Variants in PHLPP1 observed in about 807,000 individuals in gnomAD.
PHLPP1 encodes PH domain and leucine rich repeat protein phosphatase 1.
Under a neutral mutation model 117.2 loss-of-function variants are expected in PHLPP1, and 42 were observed. The ratio of observed to expected loss-of-function variants is 0.36; its 90% confidence interval spans 0.28 to 0.46. PHLPP1 has a LOEUF of 0.46. Among genes scored for constraint, PHLPP1 ranks in the 20% least tolerant of loss-of-function variants. The pLI, the probability that PHLPP1 is intolerant of heterozygous loss-of-function variation, is 1.00. For missense variants in PHLPP1, 2,084 were observed against 2,241.9 expected, an observed-to-expected ratio of 0.93 and a Z score of 1.42; for synonymous variants, 1,042 against 970.7, an observed-to-expected ratio of 1.07 and a Z score of -1.37.
chr18:62,800,146 C>A (rs1255943817), intron 1 of PHLPP1, among the ~76,000 whole-genome samples: 1 of 152,066 alleles, frequency 6.6e-6, no homozygotes, highest in East Asian at 1.9e-4. Flanking sequence ...GGGAGGGTGT[C>A]CGGAGAATAG....
chr18:62,877,519 C>T (rs1041805273), intron 4 of PHLPP1, among the ~76,000 whole-genome samples: 1 of 152,334 alleles, frequency 6.6e-6, no homozygotes, highest in African/African-American at 2.4e-5. Context: ...AAATGCTGCT[C>T]AGGGTTAGAG....
intron 15 of PHLPP1, among the ~76,000 whole-genome samples, chr18:62,973,802 A>G (rs1213641829): frequency 6.6e-6 from 1 of 152,166 alleles, no homozygotes; most frequent in Non-Finnish European, 1.5e-5. Context: ...AAATTACCTT[A>G]TGTGTCATAA....
rs768418881 is a variant in PHLPP1, at chr18:62,716,044, C to T, written c.361C>T (p.Leu121=). Residue 121 remains leucine (L), a synonymous_variant, in exon 1 of 17, where the codon CTG becomes TTG. Coordinates refer to ENST00000262719, the MANE Select transcript of PHLPP1 (RefSeq NM_194449.4). This position sits in a 1 kb window ranked among gnomAD's most constrained non-coding sequence, Gnocchi z 5.7. ...GAGGGANSLL[L]RRGRLKRNLS... ...CGGCGGCGGCGCCAACTCCCTCCTG[C>T]TGAGGAGAGGGCGGCTGAAGAGGAA... The T allele has an allele frequency of 3.6e-5, 52 of 1,462,748 alleles. No individual in the cohort carries two copies. The highest frequency in any genetic ancestry group is 4.0e-5 in the South Asian group (3 of 74,162). The allele number at this position is 1,462,748 out of a possible 1,614,324, so 90.6% of individuals were successfully genotyped here. A position where few individuals can be genotyped will look rare whatever the true frequency, so the allele number is the denominator to read the frequency against.
At chr18:62,744,233 C>G (rs927013557) in intron 1 of PHLPP1, among the ~76,000 whole-genome samples, 1 of 152,222 alleles carries the variant, frequency 6.6e-6, no homozygotes, top group African/African-American at 2.4e-5. Flanking sequence ...CTTCAGAGGG[C>G]GCATGCCCGC....
chr18:62,959,071 G>A (rs533644167), intron 13 of PHLPP1, among the ~76,000 whole-genome samples: 1 of 152,194 alleles, frequency 6.6e-6, no homozygotes, highest in East Asian at 1.9e-4. Context: ...CCAAGAATGC[G>A]GAGTAGTTAG....
chr18:62,791,143 G>A (rs966878301), intron 1 of PHLPP1, among the ~76,000 whole-genome samples: 1 of 152,134 alleles, frequency 6.6e-6, no homozygotes, highest in Non-Finnish European at 1.5e-5. Context: ...GTCCTAGCAA[G>A]CGCTTAATAA....
chr18:62,787,281 C>G (rs1599047216), intron 1 of PHLPP1, among the ~76,000 whole-genome samples: 1 of 152,174 alleles, frequency 6.6e-6, no homozygotes. Context: ...ATTCTCCTGC[C>G]TCAGCCTCAC....
chr18:62,779,652 A>G (rs977504298), intron 1 of PHLPP1: 1 of 152,084 alleles, frequency 6.6e-6, no homozygotes, highest in African/African-American at 2.4e-5. Flanking sequence ...TAATTATGGT[A>G]GAAACAGATA....
chr18:62,806,232 A>T (rs370243163), intron 1 of PHLPP1, among the ~76,000 whole-genome samples: 6 of 152,218 alleles, frequency 3.9e-5, no homozygotes. Context: ...ATAAGATTTA[A>T]GTAACTCTGT....
Position 62,973,726 on chromosome 18 carries a change from C to T in PHLPP1, c.3755+1018C>T, listed in dbSNP as rs1003554565. On this transcript the variant is annotated intron_variant, in intron 15 of 16. Transcript: ENST00000262719. ...CTTTCAGATTCTCAGTGAGCATATA[C>T]AATTAGCAACTGAACAATAATGGCT... Among the ~76,000 whole-genome samples, 5 of 152,178 alleles carry T rather than the reference C, an allele frequency of 3.3e-5. No homozygotes were observed. In the South Asian group the frequency reaches 1.0e-3, roughly 32 times the overall value.
In PHLPP1 at chr18:62,896,590, C is replaced by T. The variant is rs535743778; in HGVS notation, c.2444+579C>T. On this transcript the variant is annotated intron_variant, in intron 6 of 16. Transcript: ENST00000262719. Reference sequence around the variant, plus strand: ...GATTACAGGCATGAGCCACCATGCCCGTCCTGTTTTTTGTTGTTGTTTTTA... The same window carrying T: ...GATTACAGGCATGAGCCACCATGCCTGTCCTGTTTTTTGTTGTTGTTTTTA... 7.2e-5 allele frequency among the ~76,000 whole-genome samples: 11 copies of T among 152,080 alleles called. No homozygotes were observed. The South Asian group carries it at 1.5e-3, about 20-fold the overall frequency.
chr18:62,750,125 A>T (rs781196656), intron 1 of PHLPP1, among the ~76,000 whole-genome samples: 23 of 152,094 alleles, frequency 1.5e-4, no homozygotes, highest in Non-Finnish European at 2.9e-4. Context: ...CCCTCTAAAG[A>T]CCCTGTCTCC....
At chr18:62,736,907 T>C (rs906206884) in intron 1 of PHLPP1, among the ~76,000 whole-genome samples, 1 of 152,180 alleles carries the variant, frequency 6.6e-6, no homozygotes, top group Non-Finnish European at 1.5e-5. Flanking sequence ...GTATACAAAA[T>C]AAATGCTAGC....
rs571129557 is a variant in PHLPP1, at chr18:62,768,566, A to G, written c.1576+51307A>G. Among the ~76,000 whole-genome samples the G allele has an allele frequency of 3.3e-5, 5 of 152,382 alleles. No homozygotes were observed. The South Asian group carries it at 8.3e-4, about 25-fold the overall frequency. On this transcript the variant is annotated intron_variant, in intron 1 of 16. Transcript: ENST00000262719. ...TAATACAGGCAAAAATGAGAAAATA[A>G]GTTGGAAAATTCTCTGTCCTAAATT...
chr18:62,717,208 C>T lies in PHLPP1; in HGVS notation c.1525C>T (p.Gln509Ter). 1 of 1,610,114 alleles carries T rather than the reference C, an allele frequency of 6.2e-7. No individual in the cohort carries two copies. Among genetic ancestry groups the T allele is most frequent in the South Asian group, 1.1e-5 (1 of 90,608 alleles). ...GGGATTTGGGGAGCTGTGGAGGGTG[C>T]AGGAGGAAGGCATGGACTCGGAGAT... ...QLGFGELWRV[Q>*]EEGMDSEIGC... Residue 509 changes from glutamine to a stop codon, truncating the protein, a stop_gained, in exon 1 of 17, where the codon CAG becomes TAG. Coordinates refer to ENST00000262719, the MANE Select transcript of PHLPP1 (RefSeq NM_194449.4). LOFTEE classifies it high-confidence loss of function.
intron 12 of PHLPP1, among the ~76,000 whole-genome samples, chr18:62,946,604 A>G (rs1328638342): frequency 6.6e-6 from 1 of 151,972 alleles, no homozygotes; most frequent in Non-Finnish European, 1.5e-5. Flanking sequence ...GTTTTTACAC[A>G]TTTATATGGT....
intron 1 of PHLPP1, among the ~76,000 whole-genome samples, chr18:62,793,875 C>T (rs1302463503): frequency 1.3e-5 from 2 of 152,190 alleles, no homozygotes; most frequent in African/African-American, 4.8e-5. Context: ...GTCTGTCAGC[C>T]TGCCAGTTGG....
At chr18:62,946,390 C>G (rs917403588) in intron 12 of PHLPP1, among the ~76,000 whole-genome samples, 1 of 152,124 alleles carries the variant, frequency 6.6e-6, no homozygotes, top group African/African-American at 2.4e-5. Flanking sequence ...CGCAGCCTCC[C>G]GACTAGCTGG....
At chr18:62,893,892 A>C (rs1044508018) in intron 4 of PHLPP1, among the ~76,000 whole-genome samples, 2 of 152,204 alleles carry the variant, frequency 1.3e-5, no homozygotes, top group African/African-American at 2.4e-5. Context: ...AAGAAGTGCC[A>C]GTTTGGAATA....
Sources: gnomAD v4.1 joint callset for allele counts (sites outside exome capture counted in the v4.1 genomes callset) on GRCh38, gnomAD v4.1.1 for gene constraint, Gnocchi (gnomAD v3.1) non-coding constraint, MANE v1.5 for transcripts, NCBI Gene and HGNC (gene_info 2026-07-23, HGNC 2026-07-21) for gene names.